Variants in RAB3C observed in about 807,000 individuals in gnomAD.
RAB3C encodes ras-related protein Rab-3C.
RAB3C carries 17 observed loss-of-function variants against 26.4 expected under a neutral mutation model. That is an observed-to-expected ratio of 0.64 (90% CI 0.44 to 0.97). The LOEUF is 0.97. Among genes scored for constraint, RAB3C ranks in the 50% least tolerant of loss-of-function variants. The probability of loss-of-function intolerance (pLI) is 0.00; values close to 1 mark genes in which losing one functional copy is unlikely to be tolerated. For synonymous variants in RAB3C, 91 were observed against 95.9 expected, an observed-to-expected ratio of 0.95 and a Z score of 0.30; for missense variants, 242 against 281.9, an observed-to-expected ratio of 0.86 and a Z score of 1.01.
chr5:58,612,514 G>GTATATATATATA (rs1467524083), intron 1 of RAB3C, among the ~76,000 whole-genome samples: 8 of 54,086 alleles, frequency 1.5e-4, no homozygotes, highest in African/African-American at 6.8e-4. Context: ...GTGTGTGTGT[G>GTATATATATATA]TGTGTGTATA....
At chr5:58,788,505 C>G (rs889297442) in intron 3 of RAB3C, 1 of 152,162 alleles carries the variant, frequency 6.6e-6, no homozygotes, top group African/African-American at 2.4e-5. Context: ...TAGATTATAT[C>G]AGAAACAAAT....
At chr5:58,700,970 T>C (rs961189630) in intron 2 of RAB3C, among the ~76,000 whole-genome samples, 7 of 148,280 alleles carry the variant, frequency 4.7e-5, no homozygotes, top group Non-Finnish European at 8.9e-5. Flanking sequence ...CTTAAAAATC[T>C]TTTATTTATT....
At chr5:58,802,985 C>A (rs888496409) in intron 3 of RAB3C, among the ~76,000 whole-genome samples, 21 of 152,166 alleles carry the variant, frequency 1.4e-4, no homozygotes, top group Non-Finnish European at 2.9e-4. Context: ...GGCACAGAGG[C>A]AGTCCAGGGC....
At chr5:58,664,190 A>G (rs1747958565) in intron 2 of RAB3C, among the ~76,000 whole-genome samples, 1 of 152,186 alleles carries the variant, frequency 6.6e-6, no homozygotes, top group East Asian at 1.9e-4. Flanking sequence ...TAACAGCATT[A>G]TTTTTAATAG....
chr5:58,600,062 C>T (rs754402688), intron 1 of RAB3C, among the ~76,000 whole-genome samples: 1 of 152,156 alleles, frequency 6.6e-6, no homozygotes, highest in African/African-American at 2.4e-5. Flanking sequence ...CATTCTCCTA[C>T]ATGTGGCTAG....
At chr5:58,726,206 C>A in intron 3 of RAB3C, 86 bp downstream of exon 3, 1 of 661,454 alleles carries the variant, frequency 1.5e-6, no homozygotes, top group Non-Finnish European at 2.6e-6. Context: ...GACCATACCG[C>A]AATGTAATAT....
At chr5:58,636,490 T>C (rs1747292003) in intron 2 of RAB3C, among the ~76,000 whole-genome samples, 1 of 152,224 alleles carries the variant, frequency 6.6e-6, no homozygotes, top group Non-Finnish European at 1.5e-5. Context: ...TGCCCCTTTA[T>C]TTACTTTTGC....
At chr5:58,800,670 A>G (rs529366759) in intron 3 of RAB3C, among the ~76,000 whole-genome samples, 1 of 152,174 alleles carries the variant, frequency 6.6e-6, no homozygotes, top group South Asian at 2.1e-4. Flanking sequence ...GGCAGGGAAA[A>G]TCACATTTTG....
chr5:58,668,777 G>A (rs1437866556), intron 2 of RAB3C, among the ~76,000 whole-genome samples: 3 of 151,908 alleles, frequency 2.0e-5, no homozygotes, highest in East Asian at 3.9e-4. Context: ...GGGCTCCTAC[G>A]TCTTAATTTC....
At chr5:58,667,232 C>G (rs1227618182) in intron 2 of RAB3C, among the ~76,000 whole-genome samples, 1 of 152,170 alleles carries the variant, frequency 6.6e-6, no homozygotes, top group East Asian at 1.9e-4. Context: ...ATTCCTCAGC[C>G]TCCTTTAAAG....
chr5:58,736,892 C>T (rs141158710), intron 3 of RAB3C, among the ~76,000 whole-genome samples: 1 of 152,232 alleles, frequency 6.6e-6, no homozygotes, highest in East Asian at 1.9e-4. Context: ...GGTCTTCCTG[C>T]GTTTACTACT....
chr5:58,688,783 A>G (rs933917024), intron 2 of RAB3C, among the ~76,000 whole-genome samples: 2 of 152,170 alleles, frequency 1.3e-5, no homozygotes, highest in Non-Finnish European at 2.9e-5. Context: ...TAGATTATTA[A>G]TACTGACACC....
chr5:58,804,217 C>G (rs1742881465), intron 3 of RAB3C, among the ~76,000 whole-genome samples: 1 of 152,158 alleles, frequency 6.6e-6, no homozygotes, highest in Non-Finnish European at 1.5e-5. Context: ...TCTAGGATAG[C>G]TGGCAATAAG....
At chr5:58,808,239 A>G (rs1217788985) in intron 3 of RAB3C, among the ~76,000 whole-genome samples, 1 of 151,864 alleles carries the variant, frequency 6.6e-6, no homozygotes, top group Non-Finnish European at 1.5e-5. Context: ...AAAAAAAAAA[A>G]AAAGAAATAA....
At chr5:58,827,633 T>A (rs1223276323) in intron 4 of RAB3C, among the ~76,000 whole-genome samples, 1 of 152,200 alleles carries the variant, frequency 6.6e-6, no homozygotes, top group Non-Finnish European at 1.5e-5. Context: ...TGAAGCAGAA[T>A]GTTTTATGTT....
chr5:58,856,072 A>T lies in RAB3C; in HGVS notation c.*4721A>T, dbSNP rs1322833801. Reference sequence around the variant, plus strand: ...CACGCTCACTCGCCTGTACAAAGGTATCAGGCAAACACTGATACTTTTTTT... The same window carrying T: ...CACGCTCACTCGCCTGTACAAAGGTTTCAGGCAAACACTGATACTTTTTTT... On this transcript the variant is annotated 3_prime_UTR_variant, in exon 5 of 5. Coordinates refer to ENST00000282878, the MANE Select transcript of RAB3C (RefSeq NM_138453.4). The T allele has an allele frequency of 6.6e-6, 1 of 152,140 alleles. No homozygotes were observed. The highest frequency in any genetic ancestry group is 6.6e-5 in the Admixed American group (1 of 15,252). The allele number at this position is 152,140 out of a possible 1,614,324, so 9.4% of individuals were successfully genotyped here.
intron 2 of RAB3C, among the ~76,000 whole-genome samples, chr5:58,636,994 G>C (rs188102535): frequency 6.6e-6 from 1 of 151,814 alleles, no homozygotes; most frequent in East Asian, 1.9e-4. Flanking sequence ...TAATAGGTTA[G>C]TTATTTGTTG....
chr5:58,629,516 C>T (rs1022097459), intron 2 of RAB3C, among the ~76,000 whole-genome samples: 5 of 152,028 alleles, frequency 3.3e-5, no homozygotes, highest in African/African-American at 7.2e-5. Flanking sequence ...TAGAAACAGG[C>T]GTGGAAATAA....
At chr5:58,761,364 A>C (rs1263477595) in intron 3 of RAB3C, among the ~76,000 whole-genome samples, 1 of 152,182 alleles carries the variant, frequency 6.6e-6, no homozygotes, top group Non-Finnish European at 1.5e-5. Flanking sequence ...ACAAATAAAA[A>C]TTATACAATT....
Sources: gnomAD v4.1 joint callset for allele counts (sites outside exome capture counted in the v4.1 genomes callset) on GRCh38, gnomAD v4.1.1 for gene constraint, MANE v1.5 for transcripts, NCBI Gene and HGNC (gene_info 2026-07-23, HGNC 2026-07-21) for gene names.